PTK2: variants seen among roughly 807,000 people sequenced by gnomAD.
PTK2 encodes protein tyrosine kinase 2.
Under a neutral mutation model 150.1 loss-of-function variants are expected in PTK2, and 45 were observed. The observed-to-expected ratio is 0.30, with a 90% CI of 0.24 to 0.38. PTK2 has a LOEUF of 0.38. PTK2 is among the 10% of genes least tolerant of loss of function. PTK2 has a pLI of 1.00. For synonymous variants in PTK2, 432 were observed against 449.2 expected, an observed-to-expected ratio of 0.96 and a Z score of 0.48; for missense variants, 919 against 1,307.3, an observed-to-expected ratio of 0.70 and a Z score of 4.58.
At chr8:140,874,600 C>T (rs554616156) in intron 4 of PTK2, among the ~76,000 whole-genome samples, 3 of 152,208 alleles carry the variant, frequency 2.0e-5, no homozygotes, top group South Asian at 2.1e-4. Context: ...CCATTTAAGC[C>T]ATATGATCTC....
intron 1 of PTK2, among the ~76,000 whole-genome samples, chr8:140,973,220 A>G (rs550116856): frequency 9.8e-5 from 15 of 152,348 alleles, no homozygotes; most frequent in Admixed American, 2.6e-4. Context: ...CCCTTTGCCC[A>G]GATCCTGGGA....
chr8:140,997,183 T>C (rs779360511), intron 1 of PTK2, among the ~76,000 whole-genome samples: 4 of 152,232 alleles, frequency 2.6e-5, no homozygotes, highest in Non-Finnish European at 4.4e-5. Flanking sequence ...AACCTGATGA[T>C]GTGACTGAAT....
intron 21 of PTK2, among the ~76,000 whole-genome samples, 162 bp from the exon 25 acceptor site, chr8:140,735,617 T>G (rs1025707188): frequency 6.6e-6 from 1 of 152,206 alleles, no homozygotes; most frequent in Non-Finnish European, 1.5e-5. Context: ...TAAAATAACC[T>G]AACGATTTAA....
chr8:140,786,183 T>C (rs2100084843), intron 14 of PTK2, among the ~76,000 whole-genome samples: 1 of 152,144 alleles, frequency 6.6e-6, no homozygotes, highest in African/African-American at 2.4e-5. Context: ...CAGGGCTTGT[T>C]AGGGGTTAAA....
At chr8:140,939,639 A>C (rs1237886313) in intron 1 of PTK2, among the ~76,000 whole-genome samples, 12 of 152,378 alleles carry the variant, frequency 7.9e-5, no homozygotes, top group Non-Finnish European at 1.5e-5. Context: ...TATGTCATAC[A>C]TATACCCAAA....
At chr8:140,705,573 C>A (rs994456713) in intron 24 of PTK2, among the ~76,000 whole-genome samples, 3 of 152,150 alleles carry the variant, frequency 2.0e-5, no homozygotes, top group Admixed American at 2.0e-4. Flanking sequence ...CCTCTCGGAA[C>A]AAAGACCTGT....
At chr8:140,669,817 A>G (rs2094586148) in intron 29 of PTK2, 82 bp from the exon 33 acceptor site, 2 of 1,402,896 alleles carry the variant, frequency 1.4e-6, no homozygotes, top group South Asian at 1.2e-5. Flanking sequence ...TAATAAAGGC[A>G]TAAGACAAAT....
intron 2 of PTK2, among the ~76,000 whole-genome samples, chr8:140,913,305 T>C (rs1323501200): frequency 2.0e-5 from 3 of 151,632 alleles, no homozygotes; most frequent in East Asian, 3.9e-4. Context: ...AACTTTTTTT[T>C]TTTTTTTTTT....
intron 31 of PTK2, chr8:140,660,488 C>T (rs963249199): frequency 7.4e-5 from 30 of 406,640 alleles, no homozygotes; most frequent in African/African-American, 3.0e-4. Context: ...CTTTGGGCGG[C>T]GGAGGCAGGC....
rs552639748 is a variant in PTK2, at chr8:140,916,440, G to C, written c.-33+9221C>G. ...TTTGCTCTACCTATACAATCAACTT[G>C]GAACTTTCTTTTCCCAAGTATCCAC... On this transcript the variant is annotated intron_variant, in intron 2 of 31. Transcript: ENST00000522684. 4.7e-4 allele frequency among the ~76,000 whole-genome samples: 71 copies of C among 152,260 alleles called. 1 individual carries two copies. The highest frequency in any genetic ancestry group is 1.5e-3 in the African/African-American group (62 of 41,538).
At chr8:140,958,027 C>T (rs925100588) in intron 1 of PTK2, among the ~76,000 whole-genome samples, 5 of 152,224 alleles carry the variant, frequency 3.3e-5, no homozygotes, top group Non-Finnish European at 7.3e-5. Context: ...GTCCATCCTG[C>T]TAATGAGTTA....
At chr8:140,696,370 G>C (rs1206493095) in intron 26 of PTK2, among the ~76,000 whole-genome samples, 1 of 152,174 alleles carries the variant, frequency 6.6e-6, no homozygotes, top group Non-Finnish European at 1.5e-5. Flanking sequence ...ATGTGTGAGA[G>C]TGCAGGGGGT....
At chr8:140,773,909 G>A (rs1352105406) in intron 14 of PTK2, among the ~76,000 whole-genome samples, 1 of 152,132 alleles carries the variant, frequency 6.6e-6, no homozygotes, top group Non-Finnish European at 1.5e-5. Context: ...TAGGGGTGAG[G>A]AGGGCATGAC....
chr8:140,854,090 T>C (rs1444370201), intron 5 of PTK2, among the ~76,000 whole-genome samples: 1 of 152,216 alleles, frequency 6.6e-6, no homozygotes, highest in African/African-American at 2.4e-5. Flanking sequence ...TTAGATTCTA[T>C]ACCATAGAGT....
At chr8:140,949,620 C>T (rs1015468604) in intron 1 of PTK2, among the ~76,000 whole-genome samples, 2 of 152,240 alleles carry the variant, frequency 1.3e-5, no homozygotes, top group African/African-American at 4.8e-5. Context: ...AGCCCCCTGC[C>T]GCCCTGGCCC....
intron 1 of PTK2, among the ~76,000 whole-genome samples, chr8:140,967,763 C>A (rs1436395629): frequency 1.3e-5 from 2 of 151,858 alleles, no homozygotes; most frequent in Non-Finnish European, 2.9e-5. Flanking sequence ...TGGCCTAACC[C>A]AACATTTCTT....
chr8:140,806,149 T>C (rs1241464823), intron 10 of PTK2, among the ~76,000 whole-genome samples: 1 of 152,220 alleles, frequency 6.6e-6, no homozygotes, highest in Non-Finnish European at 1.5e-5. Context: ...TTTATGTCAC[T>C]GAAAAATCTG....
At chr8:140,970,494 G>C (rs1174987351) in intron 1 of PTK2, among the ~76,000 whole-genome samples, 1 of 152,186 alleles carries the variant, frequency 6.6e-6, no homozygotes, top group African/African-American at 2.4e-5. Flanking sequence ...AAAAACAATG[G>C]ATGTCATCCT....
chr8:140,975,417 T>C (rs1317878485), intron 1 of PTK2, among the ~76,000 whole-genome samples: 1 of 152,158 alleles, frequency 6.6e-6, no homozygotes, highest in Non-Finnish European at 1.5e-5. Context: ...CCACATGTGA[T>C]AAAAATATTC....
Sources: allele counts gnomAD v4.1 joint callset (sites outside exome capture counted in the v4.1 genomes callset), GRCh38; gene constraint gnomAD v4.1.1; transcripts MANE v1.5; gene names NCBI Gene and HGNC (gene_info 2026-07-23, HGNC 2026-07-21).